The following RNF212 variants were observed in gnomAD, a reference collection of about 807,000 sequenced individuals.
The protein encoded by RNF212 is ring finger protein 212.
In RNF212, 33 loss-of-function variants were observed where a neutral mutation model predicts 34.7. That is an observed-to-expected ratio of 0.95 (90% CI 0.72 to 1.27). The LOEUF (loss-of-function observed/expected upper bound fraction) is 1.27. Ranked by LOEUF, RNF212 falls within the 50% of genes most tolerant of loss-of-function variation. RNF212 has a pLI of 0.00. For missense variants in RNF212, 377 were observed against 362.2 expected, an observed-to-expected ratio of 1.04 and a Z score of -0.33; for synonymous variants, 140 against 136.1, an observed-to-expected ratio of 1.03 and a Z score of -0.20.
At chr4:1,102,330 A>AAG in intron 2 of RNF212, among the ~76,000 whole-genome samples, 1 of 152,334 alleles carries the variant, frequency 6.6e-6, no homozygotes, top group East Asian at 1.9e-4. Context: ...AGGCATACTA[A>AAG]AGTTCCACAG....
intron 3 of RNF212, chr4:1,096,494 C>G: frequency 6.3e-6 from 2 of 319,450 alleles, no homozygotes. Flanking sequence ...GCACCTGGCT[C>G]ATCACGGAAC....
chr4:1,067,200 A>T (rs917061610), downstream of RNF212, among the ~76,000 whole-genome samples: 1 of 152,196 alleles, frequency 6.6e-6, no homozygotes, highest in Non-Finnish European at 1.5e-5. Context: ...GCTTCAACAT[A>T]TGAATTTTGG....
chr4:1,083,339 G>C (rs1326095280), intron 5 of RNF212, among the ~76,000 whole-genome samples: 1 of 152,132 alleles, frequency 6.6e-6, no homozygotes, highest in Non-Finnish European at 1.5e-5. Context: ...AACTGTAATG[G>C]ACAGAACAAA....
chr4:1,110,354 G>A (rs747396076), intron 1 of RNF212, among the ~76,000 whole-genome samples: 1 of 152,148 alleles, frequency 6.6e-6, no homozygotes. Context: ...AGGTGCTCAC[G>A]TGTCACTACA....
At chr4:1,083,535 G>A (rs1049008528) in intron 5 of RNF212, among the ~76,000 whole-genome samples, 2 of 152,162 alleles carry the variant, frequency 1.3e-5, no homozygotes, top group African/African-American at 4.8e-5. Context: ...CTACTCAGGA[G>A]GCTGAGGCAA....
chr4:1,062,172 G>A (rs886848944), intron 3 of RNF212, among the ~76,000 whole-genome samples: 2 of 152,122 alleles, frequency 1.3e-5, no homozygotes, highest in African/African-American at 4.8e-5. Context: ...AGACAGAAAC[G>A]TTACAAGGAA....
intron 3 of RNF212, chr4:1,093,494 T>C: frequency 6.7e-7 from 1 of 1,487,916 alleles, no homozygotes. Context: ...CTCCACAGTG[T>C]AACTGACAAA....
At chr4:1,113,637 C>G (rs566018639), upstream of RNF212, 3 of 500,576 alleles carry the variant, frequency 6.0e-6, no homozygotes, top group Non-Finnish European at 1.0e-5. Context: ...CTCGCGGGTT[C>G]TCCCGCAGCA....
intron 5 of RNF212, among the ~76,000 whole-genome samples, chr4:1,085,029 TG>T (rs1334495253): frequency 6.6e-6 from 1 of 151,978 alleles, no homozygotes; most frequent in African/African-American, 2.4e-5. Flanking sequence ...AGCAGGGAGG[TG>T]GGCACCTGCA....
At chr4:1,104,769 T>C (rs1724546492) in intron 2 of RNF212, among the ~76,000 whole-genome samples, 1 of 152,120 alleles carries the variant, frequency 6.6e-6, no homozygotes, top group Non-Finnish European at 1.5e-5. Context: ...GGGTCCCGAT[T>C]TGGCCTGCAA....
intron 1 of RNF212, among the ~76,000 whole-genome samples, chr4:1,110,849 C>T (rs1040666376): frequency 2.0e-5 from 3 of 152,168 alleles, no homozygotes; most frequent in African/African-American, 7.2e-5. Context: ...TCCCGACATG[C>T]AGCATCTGTG....
intron 2 of RNF212, among the ~76,000 whole-genome samples, chr4:1,104,046 A>G (rs1221651432): frequency 2.6e-5 from 4 of 152,264 alleles, no homozygotes; most frequent in African/African-American, 9.6e-5. Flanking sequence ...CAGTTAAGAA[A>G]ATCCATTGCA....
chr4:1,057,277 G>C (rs1254183583), intron 4 of RNF212, among the ~76,000 whole-genome samples: 1 of 152,176 alleles, frequency 6.6e-6, no homozygotes, highest in Non-Finnish European at 1.5e-5. Context: ...GGCAGCCAGG[G>C]GTGGACTGGA....
In RNF212 at chr4:1,079,704, T is replaced by C. The variant is rs1419601059; in HGVS notation, c.465-16A>G. On this transcript the variant is annotated splice_polypyrimidine_tract_variant and intron_variant, in intron 7 of 9. Coordinates refer to ENST00000433731, the MANE Select transcript of RNF212 (RefSeq NM_001131034.4). ...CGACTCCAGTCTGTTAAACACATAGTGAAAGGCTTTGAGTGAGCCCAGGAC... is the reference window on the plus strand; with the variant it reads ...CGACTCCAGTCTGTTAAACACATAGCGAAAGGCTTTGAGTGAGCCCAGGAC... 4 of 1,600,180 alleles carry C rather than the reference T, an allele frequency of 2.5e-6. No homozygotes were observed. Among genetic ancestry groups the C allele is most frequent in the Non-Finnish European group, 3.4e-6 (4 of 1,167,468 alleles).
intron 3 of RNF212, chr4:1,058,491 C>T: frequency 2.6e-6 from 1 of 390,148 alleles, no homozygotes; most frequent in South Asian, 1.0e-4. Context: ...TTCTCCGTAG[C>T]TGTCACTGCC....
chr4:1,085,584 G>A (rs1160741824), intron 5 of RNF212: 3 of 478,286 alleles, frequency 6.3e-6, no homozygotes, highest in African/African-American at 5.8e-5. Flanking sequence ...CACCCCACCT[G>A]TGCTGGGTCA....
chr4:1,112,229 G>C (rs1725795446), intron 1 of RNF212, among the ~76,000 whole-genome samples: 2 of 152,116 alleles, frequency 1.3e-5, no homozygotes, highest in African/African-American at 4.8e-5. Context: ...GAGAAGGAAG[G>C]GAGAAAAAGG....
Position 1,057,424 on chromosome 4 carries a change from C to T in RNF212, n.220+897G>A, listed in dbSNP as rs373536974. On this transcript the variant is annotated intron_variant and non_coding_transcript_variant, in intron 4 of 4. Coordinates refer to the RNF212 transcript ENST00000503206. ...GGTGTGTGCTTAAATATGCAGCAGA[C>T]GGAGTGGGAGGCCACCCAGAGGTCT... Among the ~76,000 whole-genome samples the T allele has an allele frequency of 1.1e-4, 16 of 152,246 alleles. No homozygotes were observed. The East Asian group carries it at 2.1e-3, about 20-fold the overall frequency.
At chr4:1,075,417 G>T (rs1015307330) in intron 8 of RNF212, among the ~76,000 whole-genome samples, 1 of 152,222 alleles carries the variant, frequency 6.6e-6, no homozygotes, top group African/African-American at 2.4e-5. Context: ...TACAATCAGG[G>T]TGGGAGGCCA....
Sources: allele counts gnomAD v4.1 joint callset (sites outside exome capture counted in the v4.1 genomes callset), GRCh38; gene constraint gnomAD v4.1.1; transcripts MANE v1.5; gene names NCBI Gene and HGNC (gene_info 2026-07-23, HGNC 2026-07-21).